Variants in AFDN observed in about 807,000 individuals in gnomAD.
AFDN encodes the protein afadin.
In AFDN, 68 loss-of-function variants were observed where a neutral mutation model predicts 216.6. The ratio of observed to expected loss-of-function variants is 0.31; its 90% CI spans 0.26 to 0.38. The LOEUF (loss-of-function observed/expected upper bound fraction) is 0.38, where lower values mean the gene tolerates loss of function less well. Ranked by LOEUF, AFDN falls within the 10% of genes least tolerant of loss-of-function variation. The pLI, the probability that AFDN is intolerant of heterozygous loss-of-function variation, is 1.00. For synonymous variants in AFDN, 868 were observed against 853.7 expected (o/e 1.02, Z -0.29); for missense variants, 2,136 against 2,342.0 (o/e 0.91, Z 1.82).
intron 1 of AFDN, chr6:167,864,173 C>G (rs1783902320): frequency 4.5e-6 from 2 of 448,776 alleles, no homozygotes; most frequent in African/African-American, 2.0e-5. Context: ...GAACTCAACT[C>G]TATGAGTTTG....
chr6:167,947,329 A>G lies in AFDN; in HGVS notation c.3553+428A>G, dbSNP rs1408484794. On this transcript the variant is annotated intron_variant, in intron 27 of 33. Coordinates refer to ENST00000683244, the MANE Select transcript of AFDN (RefSeq NM_001386888.1). Reference sequence around the variant, plus strand: ...CGAGTGGCTGGGACTATGGGCGCCCACCACCACGCCCGGCTAATTTTTTGT... The same window carrying G: ...CGAGTGGCTGGGACTATGGGCGCCCGCCACCACGCCCGGCTAATTTTTTGT... 7.9e-5 allele frequency among the ~76,000 whole-genome samples: 12 copies of G among 152,128 alleles called. No individual in the cohort carries two copies. The South Asian group carries it at 8.3e-4, about 11-fold the overall frequency.
chr6:167,836,760 AACC>A (rs1398125328), intron 1 of AFDN, among the ~76,000 whole-genome samples: 1 of 152,240 alleles, frequency 6.6e-6, no homozygotes, highest in Non-Finnish European at 1.5e-5. Flanking sequence ...CACAATTTTT[AACC>A]GTTTAGTGCA....
intron 32 of AFDN, chr6:167,968,374 T>G (rs1033769554): frequency 1.3e-5 from 2 of 152,262 alleles, no homozygotes; most frequent in Non-Finnish European, 2.9e-5. Context: ...GTGTCCCGTC[T>G]GCAGCACATC....
chr6:167,864,766 G>A lies in AFDN; in HGVS notation c.301+20G>A, dbSNP rs1562573005. The A allele has an allele frequency of 4.3e-6, 7 of 1,612,274 alleles. No individual in the cohort carries two copies. Among genetic ancestry groups the A allele is most frequent in the Middle Eastern group, 1.7e-4 (1 of 6,060 alleles). On this transcript the variant is annotated intron_variant, in intron 2 of 33. Transcript: ENST00000683244. The stretch of plus-strand genomic sequence containing the variant: ...GCGGAGGTCAGTGTATACAGGAAGG[G>A]TTTGCTAGAGGCATGACCTGACCTG...
Position 167,971,438 on chromosome 6 carries a change from TAC to T in AFDN, c.*1504_*1505del. 5.1e-6 allele frequency: 1 copy of T among 197,948 alleles called. No homozygotes were observed. The highest frequency in any genetic ancestry group is 1.0e-5 in the Non-Finnish European group (1 of 95,798). 12.3% of individuals were successfully genotyped at this position (197,948 alleles called of 1,614,324 possible). On this transcript the variant is annotated 3_prime_UTR_variant, in exon 34 of 34. Transcript: ENST00000683244. ...AAATGCGAGTGTAAATATTTTTTTT[TAC>T]CTCTATCAGGGTTTTTATTTGAAAG...
At chr6:167,928,595 A>G (rs1171869643) in intron 23 of AFDN, among the ~76,000 whole-genome samples, 1 of 152,214 alleles carries the variant, frequency 6.6e-6, no homozygotes, top group Non-Finnish European at 1.5e-5. Context: ...AAAGTGCCTC[A>G]GCTCAGACGC....
intron 1 of AFDN, among the ~76,000 whole-genome samples, chr6:167,838,284 C>G (rs921967888): frequency 6.6e-6 from 1 of 151,046 alleles, no homozygotes; most frequent in Non-Finnish European, 1.5e-5. Flanking sequence ...GGCTGTGACG[C>G]TGCGCTTGTG....
intron 20 of AFDN, among the ~76,000 whole-genome samples, chr6:167,917,847 G>A (rs1262833723): frequency 2.0e-5 from 3 of 152,144 alleles, no homozygotes; most frequent in South Asian, 2.1e-4. Flanking sequence ...TACATAAATC[G>A]TGTCATAGTC....
chr6:167,846,631 TC>T (rs1781711781), intron 1 of AFDN, among the ~76,000 whole-genome samples: 1 of 151,720 alleles, frequency 6.6e-6, no homozygotes, highest in Non-Finnish European at 1.5e-5. Context: ...GCTTTTTTTT[TC>T]AGTTTATTTC....
chr6:167,937,870 C>T (rs941379636), intron 23 of AFDN, among the ~76,000 whole-genome samples: 1 of 152,210 alleles, frequency 6.6e-6, no homozygotes, highest in African/African-American at 2.4e-5. Context: ...AGTAAAATTA[C>T]AGACCTCCTC....
intron 31 of AFDN, chr6:167,964,244 T>A (rs901299994): frequency 3.8e-6 from 4 of 1,064,042 alleles, no homozygotes; most frequent in Non-Finnish European, 4.6e-6. Context: ...TGCTTTGTTA[T>A]AGAAAAATGT....
intron 31 of AFDN, chr6:167,964,043 A>C (rs777683683): frequency 1.1e-5 from 12 of 1,064,306 alleles, no homozygotes; most frequent in Non-Finnish European, 1.4e-5. Flanking sequence ...CACAGTGCAC[A>C]TGCAGAGAGG....
In AFDN at chr6:167,911,070, ATTT is replaced by A. The variant is rs1239467293; in HGVS notation, c.1770-29_1770-27del. The A allele has an allele frequency of 8.8e-6, 14 of 1,596,286 alleles. No homozygotes were observed. The Admixed American group carries it at 2.4e-4, about 28-fold the overall frequency. On this transcript the variant is annotated intron_variant, in intron 13 of 33. Coordinates refer to ENST00000683244, the MANE Select transcript of AFDN (RefSeq NM_001386888.1). Reference sequence around the variant, plus strand: ...GTAATATTGTTAGCCATGTGACCTTATTTTAAGTGATGTCAGCTTTCTTCTTTT... The same window carrying A: ...GTAATATTGTTAGCCATGTGACCTTATAAGTGATGTCAGCTTTCTTCTTTT...
At chr6:167,915,857 G>A (rs1790991177) in intron 19 of AFDN, among the ~76,000 whole-genome samples, 1 of 152,190 alleles carries the variant, frequency 6.6e-6, no homozygotes, top group Non-Finnish European at 1.5e-5. Flanking sequence ...TGTGTATAAG[G>A]TGTATATGAA....
Position 167,870,418 on chromosome 6 carries a change from G to A in AFDN, c.334G>A (p.Val112Ile). The change falls in exon 3 of 34, where the codon GTT (valine) becomes ATT (isoleucine). Residue 112 changes from valine (V) to isoleucine (I), a missense_variant. Coordinates refer to ENST00000683244, the MANE Select transcript of AFDN (RefSeq NM_001386888.1). ...RRLDIDEKPL[V>I]VQLNWNKDDR... Reference sequence around the variant, plus strand: ...ATTGGATATAGATGAGAAACCTCTAGTTGTACAACTGAATTGGAACAAAGA... The same window carrying A: ...ATTGGATATAGATGAGAAACCTCTAATTGTACAACTGAATTGGAACAAAGA... 1 of 1,610,990 alleles carries A rather than the reference G, an allele frequency of 6.2e-7. No homozygotes were observed. Among genetic ancestry groups the A allele is most frequent in the Non-Finnish European group, 8.5e-7 (1 of 1,178,390 alleles).
intron 4 of AFDN, among the ~76,000 whole-genome samples, chr6:167,873,097 T>G (rs1418197894): frequency 6.6e-6 from 1 of 152,244 alleles, no homozygotes; most frequent in Non-Finnish European, 1.5e-5. Context: ...TGCCTTGGTC[T>G]TGACTACATG....
intron 1 of AFDN, among the ~76,000 whole-genome samples, chr6:167,859,709 C>T (rs1783314903): frequency 6.6e-6 from 1 of 151,400 alleles, no homozygotes; most frequent in Non-Finnish European, 1.5e-5. Context: ...AAAAGAAAAT[C>T]TCCACCTTTA....
At chr6:167,895,460 G>GA (rs1278540031) in intron 9 of AFDN, among the ~76,000 whole-genome samples, 1 of 152,174 alleles carries the variant, frequency 6.6e-6, no homozygotes, top group Non-Finnish European at 1.5e-5. Flanking sequence ...AACACGATGT[G>GA]AAGCAGCACA....
chr6:167,919,161 G>A (rs1377704077), intron 21 of AFDN, among the ~76,000 whole-genome samples: 2 of 152,262 alleles, frequency 1.3e-5, no homozygotes, highest in Non-Finnish European at 2.9e-5. Context: ...GTGAGCATCT[G>A]CTCTGCGCAC....
Sources: gnomAD v4.1 joint callset for allele counts (sites outside exome capture counted in the v4.1 genomes callset) on GRCh38, gnomAD v4.1.1 for gene constraint, MANE v1.5 for transcripts, NCBI Gene and HGNC (gene_info 2026-07-23, HGNC 2026-07-21) for gene names.